Variants in ATXN1 observed in about 807,000 individuals in gnomAD.
ATXN1 encodes ataxin 1.
ATXN1 carries 8 observed loss-of-function variants against 56.4 expected under a neutral mutation model. The ratio of observed to expected loss-of-function variants is 0.14; its 90% confidence interval spans 0.08 to 0.26. The LOEUF is 0.26. Ranked by LOEUF, ATXN1 falls within the 10% of genes least tolerant of loss-of-function variation. The pLI, the probability that ATXN1 is intolerant of heterozygous loss-of-function variation, is 1.00. For synonymous variants in ATXN1, 514 were observed against 494.6 expected (o/e 1.04, Z -0.52); for missense variants, 987 against 1,106.5 (o/e 0.89, Z 1.53).
At chr6:16,378,304 C>T (rs987300398) in intron 6 of ATXN1, among the ~76,000 whole-genome samples, 4 of 152,206 alleles carry the variant, frequency 2.6e-5, no homozygotes, top group African/African-American at 2.4e-5. Flanking sequence ...ATTTAGATAC[C>T]ATGCTATGAC....
intron 6 of ATXN1, among the ~76,000 whole-genome samples, chr6:16,332,160 A>T (rs1761007058): frequency 6.6e-6 from 1 of 152,218 alleles, no homozygotes. Flanking sequence ...TTACCAGTGC[A>T]GCACGGAGCA....
intron 6 of ATXN1, among the ~76,000 whole-genome samples, chr6:16,401,580 C>A (rs1164418642): frequency 6.6e-6 from 1 of 152,160 alleles, no homozygotes; most frequent in Non-Finnish European, 1.5e-5. Context: ...TAAGGTTAGA[C>A]AGCAACAAAA....
intron 4 of ATXN1, among the ~76,000 whole-genome samples, chr6:16,556,311 AT>A (rs1280941067): frequency 1.3e-5 from 2 of 152,210 alleles, no homozygotes; most frequent in Admixed American, 1.3e-4. Context: ...CGTTTCTTCC[AT>A]CCCATTCTTC....
intron 6 of ATXN1, among the ~76,000 whole-genome samples, chr6:16,365,477 C>T (rs1336971373): frequency 6.6e-6 from 1 of 152,196 alleles, no homozygotes; most frequent in Non-Finnish European, 1.5e-5. Flanking sequence ...CTGCGCCTGG[C>T]CGAATTATTG....
At chr6:16,538,295 G>A (rs748350184) in intron 4 of ATXN1, among the ~76,000 whole-genome samples, 2 of 152,182 alleles carry the variant, frequency 1.3e-5, no homozygotes, top group Admixed American at 6.5e-5. Context: ...AACAAAAGTT[G>A]TGAGGATTAA....
intron 3 of ATXN1, among the ~76,000 whole-genome samples, chr6:16,641,229 A>T (rs1561790594): frequency 2.0e-5 from 3 of 152,240 alleles, no homozygotes; most frequent in Admixed American, 6.5e-5. Flanking sequence ...AACTAAGATC[A>T]TTGATGAAGG....
At chr6:16,725,162 A>C (rs1251488403) in intron 2 of ATXN1, among the ~76,000 whole-genome samples, 1 of 152,226 alleles carries the variant, frequency 6.6e-6, no homozygotes, top group African/African-American at 2.4e-5. Flanking sequence ...AAGTATGTTA[A>C]CTTCCTATGG....
At chr6:16,729,467 G>C (rs1004243393) in intron 2 of ATXN1, among the ~76,000 whole-genome samples, 1 of 152,146 alleles carries the variant, frequency 6.6e-6, no homozygotes, top group Non-Finnish European at 1.5e-5. Flanking sequence ...CTGGGACTCC[G>C]GAGTCAAGCT....
intron 2 of ATXN1, among the ~76,000 whole-genome samples, chr6:16,661,526 G>A (rs1040058973): frequency 4.6e-5 from 7 of 152,214 alleles, no homozygotes; most frequent in African/African-American, 1.2e-4. Flanking sequence ...TAAGCAGCCT[G>A]CAGGATGGCT....
At chr6:16,666,283 A>G (rs1221854718) in intron 2 of ATXN1, among the ~76,000 whole-genome samples, 1 of 152,232 alleles carries the variant, frequency 6.6e-6, no homozygotes, top group Non-Finnish European at 1.5e-5. Context: ...AACGTCTTCC[A>G]GTTCCAGCCA....
At chr6:16,658,193 A>G (rs1357919832) in intron 2 of ATXN1, among the ~76,000 whole-genome samples, 1 of 152,210 alleles carries the variant, frequency 6.6e-6, no homozygotes, top group Admixed American at 6.5e-5. Flanking sequence ...ATGCACTTGC[A>G]AAATTTCAAG....
intron 2 of ATXN1, among the ~76,000 whole-genome samples, chr6:16,678,277 T>C (rs1487533540): frequency 6.6e-6 from 1 of 152,224 alleles, no homozygotes; most frequent in Non-Finnish European, 1.5e-5. Context: ...TCTTTTGATT[T>C]TGAGAAAATG....
At chr6:16,436,077 T>C (rs1245056674) in intron 6 of ATXN1, among the ~76,000 whole-genome samples, 1 of 152,042 alleles carries the variant, frequency 6.6e-6, no homozygotes, top group African/African-American at 2.4e-5. Flanking sequence ...TTTGTATTTT[T>C]AGTAGAGATG....
intron 5 of ATXN1, among the ~76,000 whole-genome samples, chr6:16,511,231 G>T (rs146049869): frequency 1.9e-3 from 293 of 152,308 alleles, no homozygotes; most frequent in African/African-American, 6.6e-3. Flanking sequence ...GGAAGCTGGG[G>T]AAAGTCCTGC....
rs1205264849 is a variant in ATXN1, at chr6:16,494,517, T to C, written c.-298-8408A>G. Among the ~76,000 whole-genome samples the C allele has an allele frequency of 7.2e-5, 11 of 152,350 alleles. No homozygotes were observed. The East Asian group carries it at 2.1e-3, about 29-fold the overall frequency. ...AAAAATTATATTTCATGTTGATCCA[T>C]GTCACTGCTTCTTATCATTAGCATG... is the stretch of plus-strand genomic sequence containing the variant. On this transcript the variant is annotated intron_variant, in intron 5 of 7. Transcript: ENST00000436367.
At chr6:16,439,690 G>A (rs1011126321) in intron 6 of ATXN1, among the ~76,000 whole-genome samples, 8 of 152,100 alleles carry the variant, frequency 5.3e-5, no homozygotes, top group Non-Finnish European at 2.9e-5. Flanking sequence ...AAAAATCTGT[G>A]ACCGAAATCA....
intron 4 of ATXN1, among the ~76,000 whole-genome samples, chr6:16,548,449 G>A (rs1039676805): frequency 2.6e-5 from 4 of 152,018 alleles, no homozygotes; most frequent in African/African-American, 9.7e-5. Context: ...ATTAAACTTA[G>A]CTTACTGTAA....
intron 3 of ATXN1, among the ~76,000 whole-genome samples, chr6:16,599,124 T>C (rs982024326): frequency 6.6e-5 from 10 of 152,172 alleles, no homozygotes; most frequent in Admixed American, 6.5e-4. Flanking sequence ...TGACACCCAA[T>C]GGTGTCACCA....
intron 5 of ATXN1, among the ~76,000 whole-genome samples, chr6:16,494,421 G>T (rs1356832352): frequency 6.6e-6 from 1 of 152,098 alleles, no homozygotes; most frequent in Non-Finnish European, 1.5e-5. Context: ...TCCAAAATTA[G>T]TACCGGCCTA....
Sources: allele counts gnomAD v4.1 joint callset (sites outside exome capture counted in the v4.1 genomes callset), GRCh38; gene constraint gnomAD v4.1.1; transcripts MANE v1.5; gene names NCBI Gene and HGNC (gene_info 2026-07-23, HGNC 2026-07-21).